MYO7B: variants seen among roughly 807,000 people sequenced by gnomAD.
The protein encoded by MYO7B is unconventional myosin-VIIb.
Under a neutral mutation model 259.7 loss-of-function variants are expected in MYO7B, and 212 were observed. That is an observed-to-expected ratio of 0.82 (90% CI 0.73 to 0.91). The LOEUF (loss-of-function observed/expected upper bound fraction) is 0.91, where lower values mean the gene tolerates loss of function less well. Among genes scored for constraint, MYO7B ranks in the 40% least tolerant of loss-of-function variants. The pLI is 0.00. For synonymous variants in MYO7B, 1,197 were observed against 1,166.4 expected, an observed-to-expected ratio of 1.03 and a Z score of -0.54; for missense variants, 2,732 against 2,813.5, an observed-to-expected ratio of 0.97 and a Z score of 0.66.
rs1371229796 is a variant in MYO7B, at chr2:127,577,543, C to T, written c.850-590C>T. Reference sequence around the variant, plus strand: ...CGACCTCTCCCTTCTCAACACCCACCCCAGCCTCCCCGCAGCCCTGTCCCT... The same window carrying T: ...CGACCTCTCCCTTCTCAACACCCACTCCAGCCTCCCCGCAGCCCTGTCCCT... On this transcript the variant is annotated intron_variant, in intron 8 of 47. Coordinates refer to ENST00000409816, the MANE Select transcript of MYO7B (RefSeq NM_001393586.1). This position sits in a 1 kb window ranked among gnomAD's most constrained non-coding sequence, Gnocchi z 5.2. Among the ~76,000 whole-genome samples, 3 of 152,166 alleles carry T rather than the reference C, an allele frequency of 2.0e-5. No homozygotes were observed. The highest frequency in any genetic ancestry group is 2.0e-4 in the Admixed American group (3 of 15,280).
intron 27 of MYO7B, among the ~76,000 whole-genome samples, chr2:127,621,018 T>G (rs1478220338): frequency 6.6e-6 from 1 of 152,200 alleles, no homozygotes; most frequent in Non-Finnish European, 1.5e-5. Flanking sequence ...TTTTGTGGTG[T>G]TACAGGGTCC....
chr2:127,549,186 CTCTT>C (rs1278695410), intron 1 of MYO7B, among the ~76,000 whole-genome samples: 203 of 99,406 alleles, frequency 2.0e-3, no homozygotes, highest in Admixed American at 5.9e-3. Flanking sequence ...CTTTCTTTCT[CTCTT>C]TCTTTCTTAT....
chr2:127,607,349 G>A lies in MYO7B; in HGVS notation c.2568G>A (p.Arg856=). The stretch of plus-strand genomic sequence containing the variant: ...TGCGCCAGCAAGTCCAGGCCAAGAG[G>A]AGGGCAGTGGTGGTCATTCAGGCCC... ...YLVRQQVQAK[R]RAVVVIQAHA... The change falls in exon 21 of 48, where the codon AGG becomes AGA. Residue 856 remains arginine (R), a synonymous_variant. Coordinates refer to ENST00000409816, the MANE Select transcript of MYO7B (RefSeq NM_001393586.1). This position sits in a 1 kb window ranked among gnomAD's most constrained non-coding sequence, Gnocchi z 4.4. The A allele has an allele frequency of 3.9e-6, 6 of 1,551,510 alleles. No individual in the cohort carries two copies. The highest frequency in any genetic ancestry group is 5.2e-6 in the Non-Finnish European group (6 of 1,146,876).
At chr2:127,541,715 G>A (rs1573600295) in intron 1 of MYO7B, among the ~76,000 whole-genome samples, 2 of 152,192 alleles carry the variant, frequency 1.3e-5, no homozygotes, top group East Asian at 3.9e-4. Flanking sequence ...GGATAGGCAG[G>A]GTCTTTGCCA....
intron 19 of MYO7B, among the ~76,000 whole-genome samples, chr2:127,598,950 C>A (rs1278927239): frequency 1.3e-5 from 2 of 152,220 alleles, no homozygotes; most frequent in Non-Finnish European, 2.9e-5. Context: ...CACAATGTCA[C>A]AACATCTTGT....
intron 31 of MYO7B, 80 bp downstream of exon 31, chr2:127,625,615 T>A (rs1300797423): frequency 2.8e-5 from 38 of 1,375,108 alleles, no homozygotes; most frequent in Non-Finnish European, 3.4e-5. Context: ...ACAGAGGAGA[T>A]GGATTCCCTC....
At chr2:127,588,870 T>C (rs947083839) in intron 15 of MYO7B, among the ~76,000 whole-genome samples, 11 of 136,040 alleles carry the variant, frequency 8.1e-5, no homozygotes, top group African/African-American at 2.5e-4. Flanking sequence ...GGTAAATGGA[T>C]GTGTGGTTGG....
At chr2:127,630,719 G>A in intron 35 of MYO7B, 59 bp from the exon 36 acceptor site, 1 of 1,598,932 alleles carries the variant, frequency 6.3e-7, no homozygotes, top group South Asian at 1.1e-5. Context: ...GGAGGAGCCT[G>A]CAGGAAGGGC....
At chr2:127,629,538 C>G in intron 34 of MYO7B, 107 bp from the exon 35 acceptor site, 3 of 1,148,376 alleles carry the variant, frequency 2.6e-6, no homozygotes, top group Non-Finnish European at 2.4e-6. Context: ...CTTCTGCCCA[C>G]CACTCTATGC....
intron 39 of MYO7B, 88 bp from the exon 40 acceptor site, chr2:127,633,170 G>A: frequency 9.8e-7 from 1 of 1,018,776 alleles, no homozygotes; most frequent in Non-Finnish European, 1.5e-6. Context: ...TTTGTTTCTG[G>A]CACATGGTTT....
At chr2:127,622,349 G>A (rs922794632) in intron 28 of MYO7B, among the ~76,000 whole-genome samples, 20 of 152,096 alleles carry the variant, frequency 1.3e-4, no homozygotes, top group African/African-American at 3.6e-4. Context: ...GAAGATCACC[G>A]GACCCACTCA....
In MYO7B at chr2:127,584,686, A is replaced by T. The variant is rs1402620397; in HGVS notation, c.1555-92A>T. ...AGGCCCTCAATCATTCTGAGCCCAG[A>T]TCTCTTTGCCTCCATGAGGAAGTCC... is the stretch of plus-strand genomic sequence containing the variant. On this transcript the variant is annotated intron_variant, in intron 13 of 47. Transcript: ENST00000409816. This position sits in a 1 kb window ranked among gnomAD's most constrained non-coding sequence, Gnocchi z 5.8. The T allele has an allele frequency of 1.4e-6, 2 of 1,466,886 alleles. No individual in the cohort carries two copies. Among genetic ancestry groups the T allele is most frequent in the African/African-American group, 2.8e-5 (2 of 71,294 alleles). The allele number at this position is 1,466,886 out of a possible 1,614,324, so 90.9% of individuals were successfully genotyped here.
intron 26 of MYO7B, among the ~76,000 whole-genome samples, chr2:127,616,455 C>T (rs143901959): frequency 1.1e-4 from 17 of 152,310 alleles, no homozygotes; most frequent in African/African-American, 3.9e-4. Context: ...CTTATTCTCC[C>T]GGTTCAAAAA....
Position 127,585,037 on chromosome 2 carries a change from G to C in MYO7B, c.1690+124G>C. ...TAGCAATGGGGCAGAGGGATGAGTA[G>C]TATGGCTTCTACTGGAGAAAGAAAA... On this transcript the variant is annotated intron_variant, in intron 14 of 47. Coordinates refer to ENST00000409816, the MANE Select transcript of MYO7B (RefSeq NM_001393586.1). The surrounding 1 kb of genome is among the most constrained non-coding windows in gnomAD (Gnocchi z 4.3). 3 of 1,262,878 alleles carry C rather than the reference G, an allele frequency of 2.4e-6. No homozygotes were observed. The highest frequency in any genetic ancestry group is 2.9e-5 in the South Asian group (2 of 69,902). 78.2% of individuals were successfully genotyped at this position (1,262,878 alleles called of 1,614,324 possible). A position where few individuals can be genotyped will look rare whatever the true frequency, so the allele number is the denominator to read the frequency against.
intron 10 of MYO7B, among the ~76,000 whole-genome samples, chr2:127,581,506 G>C (rs1214006173): frequency 1.3e-5 from 2 of 152,214 alleles, no homozygotes; most frequent in Non-Finnish European, 2.9e-5. Context: ...AGAAACTCTG[G>C]GTTTTGTCAG....
rs1449960333 is a variant in MYO7B at position 127,585,017 on chromosome 2, A to G, written c.1690+104A>G. The G allele has an allele frequency of 9.5e-5, 138 of 1,452,476 alleles. No homozygotes were observed. The highest frequency in any genetic ancestry group is 1.2e-4 in the Non-Finnish European group (128 of 1,054,856). 90.0% of individuals were successfully genotyped at this position (1,452,476 alleles called of 1,614,324 possible). ...ATGAGGCTATTTTGCAGCTCTAGCA[A>G]TGGGGCAGAGGGATGAGTAGTATGG... On this transcript the variant is annotated intron_variant, in intron 14 of 47. Coordinates refer to ENST00000409816, the MANE Select transcript of MYO7B (RefSeq NM_001393586.1). The surrounding 1 kb of genome is among the most constrained non-coding windows in gnomAD (Gnocchi z 4.3).
In MYO7B at chr2:127,572,443, C is replaced by G. The variant is rs1678681341; in HGVS notation, c.593-1477C>G. Among the ~76,000 whole-genome samples, 11 of 142,914 alleles carry G rather than the reference C, an allele frequency of 7.7e-5. No homozygotes were observed. The East Asian group carries it at 1.4e-3, about 18-fold the overall frequency. The allele number at this position is 142,914 out of a possible 152,430, so 93.8% of individuals were successfully genotyped here. A position where few individuals can be genotyped will look rare whatever the true frequency, so the allele number is the denominator to read the frequency against. The stretch of plus-strand genomic sequence containing the variant: ...AAAAAAAAAAAAAAGACTTTTCTGT[C>G]TTTCCTTCCTTGCTTCTTTCTCATC... On this transcript the variant is annotated intron_variant, in intron 6 of 47. Coordinates refer to ENST00000409816, the MANE Select transcript of MYO7B (RefSeq NM_001393586.1).
chr2:127,624,270 T>C lies in MYO7B; in HGVS notation c.3997T>C (p.Tyr1333His). The change falls in exon 30 of 48, where the codon TAC (tyrosine) becomes CAC (histidine). Residue 1333 changes from tyrosine (Y) to histidine (H), a missense_variant. Physicochemically the swap from Tyr to His is moderately conservative, Grantham distance 83. Transcript: ENST00000409816. ...GGACCCTGTCAGCACCGAGCTTATT[T>C]ACCGCCAAGTCCTCCGAGGAGTCTG... is the stretch of plus-strand genomic sequence containing the variant. The part of the protein sequence containing the change: ...REDPVSTELI[Y>H]RQVLRGVWSG... 6.3e-7 allele frequency: 1 copy of C among 1,592,568 alleles called. No homozygotes were observed. Among genetic ancestry groups the C allele is most frequent in the Non-Finnish European group, 8.5e-7 (1 of 1,170,218 alleles).
In MYO7B at chr2:127,581,905, G is replaced by A; in HGVS notation, c.1095G>A (p.Glu365=). Residue 365 remains glutamate, a synonymous_variant, in exon 11 of 48, where the codon GAG becomes GAA. Coordinates refer to ENST00000409816, the MANE Select transcript of MYO7B (RefSeq NM_001393586.1). Reference sequence around the variant, plus strand: ...TGCCTCCCCAGGTGCAGCACCAGGAGCTCCGGGACTGTCTGATCAAGCACA... The same window carrying A: ...TGCCTCCCCAGGTGCAGCACCAGGAACTCCGGGACTGTCTGATCAAGCACA... The part of the protein sequence containing the change: ...VMKLLEVQHQ[E]LRDCLIKHTI... 2.5e-6 allele frequency: 4 copies of A among 1,613,842 alleles called. No homozygotes were observed. The highest frequency in any genetic ancestry group is 2.5e-6 in the Non-Finnish European group (3 of 1,179,872).
Sources: allele counts gnomAD v4.1 joint callset (sites outside exome capture counted in the v4.1 genomes callset), GRCh38; gene constraint gnomAD v4.1.1; non-coding constraint Gnocchi (gnomAD v3.1); transcripts MANE v1.5; gene names NCBI Gene and HGNC (gene_info 2026-07-23, HGNC 2026-07-21).